PTPN5: variants seen among roughly 807,000 people sequenced by gnomAD.
The protein encoded by PTPN5 is protein tyrosine phosphatase non-receptor type 5, also known as tyrosine-protein phosphatase non-receptor type 5.
PTPN5 carries 29 observed loss-of-function variants against 73.9 expected under a neutral mutation model. The ratio of observed to expected loss-of-function variants is 0.39; its 90% confidence interval spans 0.29 to 0.54. The LOEUF is 0.54. Ranked by LOEUF, PTPN5 falls within the 20% of genes least tolerant of loss-of-function variation. The probability of loss-of-function intolerance (pLI) is 0.65; values close to 1 mark genes in which losing one functional copy is unlikely to be tolerated. For missense variants in PTPN5, 652 were observed against 751.4 expected, an observed-to-expected ratio of 0.87 and a Z score of 1.55; for synonymous variants, 267 against 304.7, an observed-to-expected ratio of 0.88 and a Z score of 1.29.
chr11:18,750,436 C>T (rs540161153), intron 3 of PTPN5, among the ~76,000 whole-genome samples: 40 of 152,310 alleles, frequency 2.6e-4, no homozygotes, highest in African/African-American at 8.9e-4. Flanking sequence ...CGCCACACCA[C>T]GTCATTGGTA....
At position 18,737,970 on chromosome 11, in the gene PTPN5, G is replaced by C. The variant is rs753015076; in HGVS notation, c.916-6C>G. The C allele has an allele frequency of 8.7e-6, 14 of 1,613,292 alleles. No homozygotes were observed. Among genetic ancestry groups the C allele is most frequent in the African/African-American group, 1.3e-5 (1 of 74,908 alleles). On this transcript the variant is annotated splice_region_variant and splice_polypyrimidine_tract_variant and intron_variant, in intron 8 of 14. Coordinates refer to ENST00000358540, the MANE Select transcript of PTPN5 (RefSeq NM_006906.2). The stretch of plus-strand genomic sequence containing the variant: ...ACAAAGTTCATGGGGATTTCCTGTG[G>C]AAGGAGGACACGGGGTGTGAGCAGC...
intron 1 of PTPN5, among the ~76,000 whole-genome samples, chr11:18,775,706 C>T (rs577815685): frequency 1.8e-4 from 28 of 152,334 alleles, no homozygotes; most frequent in African/African-American, 6.7e-4. Flanking sequence ...ACTGTGTGAC[C>T]TTGGGCTAGT....
At chr11:18,764,380 G>T (rs11024790) in intron 3 of PTPN5, among the ~76,000 whole-genome samples, 51,573 of 152,130 alleles carry the variant, frequency 0.34, 11,073 homozygotes, top group Non-Finnish European at 0.47. Context: ...TCTTTTCAGA[G>T]AATTCTCTTC....
chr11:18,771,887 T>C (rs1016508220), intron 2 of PTPN5, 52 bp downstream of exon 2: 19 of 1,532,756 alleles, frequency 1.2e-5, no homozygotes, highest in Non-Finnish European at 1.6e-5. Context: ...TGGAGAAGGC[T>C]TGGCCTCCTC....
At chr11:18,746,526 C>T (rs1359207702) in intron 3 of PTPN5, among the ~76,000 whole-genome samples, 1 of 152,064 alleles carries the variant, frequency 6.6e-6, no homozygotes, top group Non-Finnish European at 1.5e-5. Context: ...ACAGACGAAA[C>T]ACCTAGCATA....
chr11:18,768,136 A>C (rs1421886493), intron 2 of PTPN5, among the ~76,000 whole-genome samples: 1 of 152,256 alleles, frequency 6.6e-6, no homozygotes, highest in African/African-American at 2.4e-5. Context: ...TTATGGAATA[A>C]GTAAATGTTG....
In PTPN5 at chr11:18,728,290, G is replaced by GC. The variant is rs1198511872; in HGVS notation, c.*643dup. On this transcript the variant is annotated 3_prime_UTR_variant, in exon 15 of 15. Coordinates refer to ENST00000358540, the MANE Select transcript of PTPN5 (RefSeq NM_006906.2). This position sits in a 1 kb window ranked among gnomAD's most constrained non-coding sequence, Gnocchi z 4.1. ...CCTCTGGGTTCTCCATGCCCCATCT[G>GC]CCCCCTACCTTGCCAGTGCCTCACA... is the stretch of plus-strand genomic sequence containing the variant. The GC allele has an allele frequency of 1.3e-5, 2 of 152,282 alleles. No individual in the cohort carries two copies. Among genetic ancestry groups the GC allele is most frequent in the Admixed American group, 1.3e-4 (2 of 15,278 alleles). 9.4% of individuals were successfully genotyped at this position (152,282 alleles called of 1,614,324 possible).
At chr11:18,748,379 G>C (rs1249611551) in intron 3 of PTPN5, among the ~76,000 whole-genome samples, 4 of 152,182 alleles carry the variant, frequency 2.6e-5, no homozygotes. Context: ...TAGATGTGTA[G>C]CTCAGAGAGG....
chr11:18,750,007 C>T (rs1003184628), intron 3 of PTPN5, among the ~76,000 whole-genome samples: 11 of 152,192 alleles, frequency 7.2e-5, no homozygotes, highest in Non-Finnish European at 1.6e-4. Flanking sequence ...CCTGCCTGGA[C>T]TTCATGAATT....
Position 18,763,355 on chromosome 11 carries a change from G to A in PTPN5, c.97+2452C>T, listed in dbSNP as rs147384222. 8.2e-4 allele frequency among the ~76,000 whole-genome samples: 125 copies of A among 152,304 alleles called. 1 individual carries two copies. The East Asian group carries it at 0.013, about 16-fold the overall frequency. On this transcript the variant is annotated intron_variant, in intron 3 of 14. Transcript: ENST00000358540. ...CAGAACAAGGTAGCGGTGACGACAC[G>A]GGCTACTGAGAGAGACTGCCTGGAG...
intron 1 of PTPN5, among the ~76,000 whole-genome samples, chr11:18,772,472 C>T (rs1850948273): frequency 6.6e-6 from 1 of 152,198 alleles, no homozygotes; most frequent in African/African-American, 2.4e-5. Context: ...CATCTGTCCT[C>T]ACGTCTGAGC....
intron 7 of PTPN5, among the ~76,000 whole-genome samples, chr11:18,741,657 G>T (rs1299573550): frequency 6.6e-6 from 1 of 152,052 alleles, no homozygotes; most frequent in Non-Finnish European, 1.5e-5. Flanking sequence ...ATAAAAACAG[G>T]TTCTAATTGG....
At position 18,791,079 on chromosome 11, in the gene PTPN5, G is replaced by C. The variant is rs1048770010; in HGVS notation, c.-114+446C>G. The stretch of plus-strand genomic sequence containing the variant: ...TGGGACGCGGGAGGCTAAAGCTAAA[G>C]GGTCGGTGGAGGCGAAGCAATGGGA... On this transcript the variant is annotated intron_variant, in intron 1 of 14. Coordinates refer to ENST00000358540, the MANE Select transcript of PTPN5 (RefSeq NM_006906.2). 2.0e-5 allele frequency among the ~76,000 whole-genome samples: 3 copies of C among 152,198 alleles called. No homozygotes were observed. In the East Asian group the frequency reaches 5.8e-4, roughly 29 times the overall value.
intron 1 of PTPN5, among the ~76,000 whole-genome samples, chr11:18,786,800 T>C (rs1037885618): frequency 6.6e-6 from 1 of 152,140 alleles, no homozygotes; most frequent in Admixed American, 6.5e-5. Context: ...AACAACTGAT[T>C]AGGTGCCCGA....
intron 1 of PTPN5, among the ~76,000 whole-genome samples, chr11:18,777,147 T>C (rs1245757086): frequency 2.7e-5 from 4 of 150,896 alleles, no homozygotes; most frequent in African/African-American, 7.3e-5. Context: ...GGCGACAGAA[T>C]GAGACTCCAT....
intron 3 of PTPN5, among the ~76,000 whole-genome samples, chr11:18,750,731 T>C (rs949257290): frequency 6.6e-6 from 1 of 152,170 alleles, no homozygotes; most frequent in East Asian, 1.9e-4. Context: ...GTCAGTCTTA[T>C]GCTGTTCAAT....
rs565941187 is a variant in PTPN5 at position 18,751,684 on chromosome 11, GA to G, written c.98-7486del. ...CTCCAGGCAGGCAGGATGGGCGTGG[GA>G]AAAGGAATCAAATTTTGACATAAGA... On this transcript the variant is annotated intron_variant, in intron 3 of 14. Transcript: ENST00000358540. Among the ~76,000 whole-genome samples, 565 of 152,344 alleles carry G rather than the reference GA, an allele frequency of 3.7e-3. 3 individuals carry two copies. The highest frequency in any genetic ancestry group is 5.9e-3 in the Non-Finnish European group (402 of 68,034).
Position 18,729,135 on chromosome 11 carries a change from C to A in PTPN5, c.1605-108G>T. The A allele has an allele frequency of 8.6e-7, 1 of 1,167,306 alleles. No individual in the cohort carries two copies. Among genetic ancestry groups the A allele is most frequent in the Non-Finnish European group, 1.2e-6 (1 of 812,150 alleles). The allele number at this position is 1,167,306 out of a possible 1,614,324, so 72.3% of individuals were successfully genotyped here. On this transcript the variant is annotated intron_variant, in intron 14 of 14. Coordinates refer to ENST00000358540, the MANE Select transcript of PTPN5 (RefSeq NM_006906.2). The surrounding 1 kb of genome is among the most constrained non-coding windows in gnomAD (Gnocchi z 5.2). ...TCACTTGCCAGGCCTTGCCCCTGTG[C>A]GTCTTGGAGAGACCAACCCTTGCCA...
chr11:18,736,244 C>T (rs2134202793), intron 9 of PTPN5, among the ~76,000 whole-genome samples: 1 of 152,286 alleles, frequency 6.6e-6, no homozygotes, highest in East Asian at 1.9e-4. Context: ...TTGAGACCAG[C>T]CTGGTCAACA....
Sources: gnomAD v4.1 joint callset for allele counts (sites outside exome capture counted in the v4.1 genomes callset) on GRCh38, gnomAD v4.1.1 for gene constraint, Gnocchi (gnomAD v3.1) non-coding constraint, MANE v1.5 for transcripts, NCBI Gene and HGNC (gene_info 2026-07-23, HGNC 2026-07-21) for gene names.